Variants in PDE11A observed in about 807,000 individuals in gnomAD.
PDE11A encodes the protein phosphodiesterase 11A.
PDE11A carries 100 observed loss-of-function variants against 100.5 expected under a neutral mutation model. The ratio of observed to expected loss-of-function variants is 1.00; its 90% CI spans 0.85 to 1.18. PDE11A has a LOEUF of 1.18. Ranked by LOEUF, PDE11A falls within the 50% of genes most tolerant of loss-of-function variation. The pLI is 0.00. For missense variants in PDE11A, 1,141 were observed against 1,152.6 expected, an observed-to-expected ratio of 0.99 and a Z score of 0.15; for synonymous variants, 381 against 420.8, an observed-to-expected ratio of 0.91 and a Z score of 1.16.
intron 2 of PDE11A, among the ~76,000 whole-genome samples, chr2:178,084,075 C>A (rs945529928): frequency 6.6e-6 from 1 of 152,170 alleles, no homozygotes; most frequent in Non-Finnish European, 1.5e-5. Context: ...AGCCATTCTA[C>A]AAGATCCATC....
intron 9 of PDE11A, among the ~76,000 whole-genome samples, chr2:177,785,056 A>G (rs2082512611): frequency 6.6e-6 from 1 of 152,184 alleles, no homozygotes; most frequent in Admixed American, 6.5e-5. Context: ...ATGGGGGGCC[A>G]GTATAGTTTG....
intron 2 of PDE11A, among the ~76,000 whole-genome samples, chr2:178,010,420 G>A (rs575033312): frequency 1.3e-5 from 2 of 152,292 alleles, no homozygotes; most frequent in East Asian, 3.9e-4. Context: ...AGTGAATGAA[G>A]TTGGCAGAGC....
chr2:177,945,784 T>A (rs1402813416), intron 2 of PDE11A, among the ~76,000 whole-genome samples: 1 of 116,600 alleles, frequency 8.6e-6, no homozygotes, highest in African/African-American at 3.3e-5. Flanking sequence ...AGGTGGGGGG[T>A]CAGCCCCCCC....
chr2:177,799,018 T>C (rs1443662809), intron 9 of PDE11A, among the ~76,000 whole-genome samples: 10 of 152,176 alleles, frequency 6.6e-5, no homozygotes, highest in African/African-American at 2.4e-4. Context: ...GTCCCCTTGA[T>C]ATGATGTGAT....
chr2:177,734,712 T>C (rs1237451504), intron 10 of PDE11A, among the ~76,000 whole-genome samples: 2 of 152,130 alleles, frequency 1.3e-5, no homozygotes, highest in Non-Finnish European at 2.9e-5. Flanking sequence ...AATCACAAAA[T>C]TGTGTTGCAT....
intron 3 of PDE11A, among the ~76,000 whole-genome samples, chr2:177,903,834 A>C (rs1319660112): frequency 2.0e-5 from 3 of 152,220 alleles, no homozygotes; most frequent in Non-Finnish European, 4.4e-5. Flanking sequence ...TGATCAAATG[A>C]AACAGATTGT....
At chr2:178,070,431 A>T (rs1230733732) in intron 1 of PDE11A, among the ~76,000 whole-genome samples, 1 of 152,188 alleles carries the variant, frequency 6.6e-6, no homozygotes, top group Non-Finnish European at 1.5e-5. Flanking sequence ...TGCTATTCTC[A>T]GCAACAGCAA....
intron 1 of PDE11A, among the ~76,000 whole-genome samples, chr2:178,032,600 C>CACAGGGG (rs2086562947): frequency 6.6e-6 from 1 of 152,322 alleles, no homozygotes; most frequent in African/African-American, 2.4e-5. Context: ...TGCCTCCTTA[C>CACAGGGG]TGGGAGAAAC....
chr2:177,927,389 C>T (rs888354208), intron 2 of PDE11A, among the ~76,000 whole-genome samples: 2 of 152,180 alleles, frequency 1.3e-5, no homozygotes, highest in Non-Finnish European at 2.9e-5. Flanking sequence ...GAATATCCAG[C>T]ACCGATTTTG....
intron 15 of PDE11A, among the ~76,000 whole-genome samples, chr2:177,688,713 G>A (rs967955867): frequency 3.9e-5 from 6 of 152,134 alleles, no homozygotes; most frequent in South Asian, 2.1e-4. Context: ...CATCCTGCTC[G>A]CCTGACATAT....
At chr2:178,077,260 C>CTTTTTTTTTTTT (rs57259393), upstream of PDE11A, among the ~76,000 whole-genome samples, 4 of 98,650 alleles carry the variant, frequency 4.1e-5, no homozygotes, top group African/African-American at 1.2e-4. Flanking sequence ...TTCTTTCTTT[C>CTTTTTTTTTTTT]TTTTTTTTTT....
chr2:177,967,446 C>A (rs1310359759), intron 2 of PDE11A, among the ~76,000 whole-genome samples: 3 of 152,022 alleles, frequency 2.0e-5, no homozygotes, highest in Non-Finnish European at 4.4e-5. Context: ...GATCCACCCA[C>A]CACAGCCTCC....
chr2:177,921,575 T>C (rs371635117), intron 2 of PDE11A, among the ~76,000 whole-genome samples: 6 of 152,248 alleles, frequency 3.9e-5, no homozygotes, highest in African/African-American at 1.4e-4. Flanking sequence ...TAGGCATCTA[T>C]GAAAAACCAC....
chr2:178,007,044 C>T (rs555681567), intron 2 of PDE11A, among the ~76,000 whole-genome samples: 1 of 152,216 alleles, frequency 6.6e-6, no homozygotes, highest in South Asian at 2.1e-4. Flanking sequence ...TCTACCACAG[C>T]ATCTTTGCCA....
Position 177,629,559 on chromosome 2 carries a change from G to C in PDE11A, c.2650C>G (p.Leu884Val). The change falls in exon 20 of 20, where the codon CTG becomes GTG. Residue 884 changes from leucine to valine, a missense_variant. Physicochemically the swap from Leu to Val is conservative, Grantham distance 32. Transcript: ENST00000286063. ...DSICMPLYQA[L>V]VKVNVKLKPM... is the part of the protein sequence containing the mutation. ...TTCAGTTTCACGTTGACCTTCACCA[G>C]TGCCTAAAACAAAACAAAACAAAAC... 6.2e-7 allele frequency: 1 copy of C among 1,611,996 alleles called. No homozygotes were observed. The highest frequency in any genetic ancestry group is 1.3e-5 in the African/African-American group (1 of 74,932).
chr2:177,811,051 A>G (rs1325019885), intron 9 of PDE11A, among the ~76,000 whole-genome samples: 1 of 152,098 alleles, frequency 6.6e-6, no homozygotes, highest in East Asian at 1.9e-4. Context: ...ATTTCTCTTC[A>G]GTATTAGGTA....
intron 2 of PDE11A, among the ~76,000 whole-genome samples, chr2:178,001,311 T>TGTGTGTGTGTGTGTGTGTGG (rs59287027): frequency 7.4e-5 from 11 of 148,018 alleles, no homozygotes; most frequent in South Asian, 2.2e-4. Context: ...TGTGTGTGTG[T>TGTGTGTGTGTGTGTGTGTGG]AGTAGGTTTA....
chr2:178,028,719 G>A (rs17636610), intron 1 of PDE11A, among the ~76,000 whole-genome samples: 76,452 of 151,980 alleles, frequency 0.5, 20,012 homozygotes, highest in East Asian at 0.71. Flanking sequence ...ACCTGGAATA[G>A]CCAGCTAATT....
chr2:177,896,586 C>A (rs1049217528), intron 4 of PDE11A, among the ~76,000 whole-genome samples: 3 of 152,184 alleles, frequency 2.0e-5, no homozygotes, highest in African/African-American at 7.2e-5. Context: ...ATGGGGGCTT[C>A]TCTGTGGCCC....
Sources: gnomAD v4.1 joint callset for allele counts (sites outside exome capture counted in the v4.1 genomes callset) on GRCh38, gnomAD v4.1.1 for gene constraint, MANE v1.5 for transcripts, NCBI Gene and HGNC (gene_info 2026-07-23, HGNC 2026-07-21) for gene names.